The following OR2A5 variants were observed in gnomAD, a reference collection of about 807,000 sequenced individuals.
OR2A5 encodes the protein olfactory receptor 2A5.
In OR2A5, 2 loss-of-function variants were observed where a neutral mutation model predicts 1.9. The observed-to-expected ratio is 1.04, with a 90% CI of 0.43 to 3.28. The LOEUF is 3.28. Among genes scored for constraint, OR2A5 ranks in the 30% most tolerant of loss-of-function variants. OR2A5 has a pLI of 0.08. For missense variants in OR2A5, 391 were observed against 375.9 expected, an observed-to-expected ratio of 1.04 and a Z score of -0.33; for synonymous variants, 160 against 154.5, an observed-to-expected ratio of 1.04 and a Z score of -0.26.
chr7:144,049,402 G>A (rs1013270434), intron 1 of OR2A5, among the ~76,000 whole-genome samples: 1 of 152,210 alleles, frequency 6.6e-6, no homozygotes, highest in Non-Finnish European at 1.5e-5. Context: ...ATGTGGTTGG[G>A]GGAATGACAA....
rs568136340 is a variant in OR2A5, at chr7:144,056,628, CA to C, written c.*5293del. On this transcript the variant is annotated 3_prime_UTR_variant, in exon 2 of 2. Transcript: ENST00000641693. ...TCCCTTGTGCATGTTCAGGAATGAA[CA>C]ATTGATAAATATTTATGTTTATGTT... The C allele has an allele frequency of 8.5e-5, 13 of 152,218 alleles. No individual in the cohort carries two copies. In the South Asian group the frequency reaches 2.7e-3, roughly 32 times the overall value. 9.4% of individuals were successfully genotyped at this position (152,218 alleles called of 1,614,324 possible). A position where few individuals can be genotyped will look rare whatever the true frequency, so the allele number is the denominator to read the frequency against.
rs1554410654 is a variant in OR2A5, at chr7:144,056,816, T to TC, written c.*5479_*5480insC. 7.0e-6 allele frequency: 1 copy of TC among 143,842 alleles called. No individual in the cohort carries two copies. Among genetic ancestry groups the TC allele is most frequent in the African/African-American group, 2.6e-5 (1 of 38,010 alleles). The allele number at this position is 143,842 out of a possible 1,614,324, so 8.9% of individuals were successfully genotyped here. ...CTGAAATAAGGACTAACTCTTGTTTTTTTTTTTTTTTTTTTTGAGACGGAG... is the reference window on the plus strand; with the variant it reads ...CTGAAATAAGGACTAACTCTTGTTTTCTTTTTTTTTTTTTTTTGAGACGGAG... On this transcript the variant is annotated 3_prime_UTR_variant, in exon 2 of 2. Transcript: ENST00000641693.
intron 1 of OR2A5, 24 bp downstream of exon 1, chr7:144,049,157 G>A (rs2050883468): frequency 6.6e-6 from 1 of 152,276 alleles, no homozygotes; most frequent in African/African-American, 2.4e-5. Context: ...CTTTTGCAAA[G>A]TCTGGTAGTT....
At chr7:144,050,061 G>A in intron 1 of OR2A5, among the ~76,000 whole-genome samples, 1 of 152,152 alleles carries the variant, frequency 6.6e-6, no homozygotes, top group South Asian at 2.1e-4. Context: ...AAAATAAAAT[G>A]GCTAGCCATT....
chr7:144,049,246 GCAGA>G (rs2050883953), intron 1 of OR2A5, 113 bp downstream of exon 1: 1 of 152,274 alleles, frequency 6.6e-6, no homozygotes, highest in Non-Finnish European at 1.5e-5. Flanking sequence ...TAATTTATTG[GCAGA>G]CAGTTTCCTG....
At position 144,058,406 on chromosome 7, in the gene OR2A5, A is replaced by T. The variant is rs1258852149; in HGVS notation, c.*7069A>T. 1.3e-5 allele frequency: 2 copies of T among 152,166 alleles called. No homozygotes were observed. Among genetic ancestry groups the T allele is most frequent in the African/African-American group, 4.8e-5 (2 of 41,408 alleles). The allele number at this position is 152,166 out of a possible 1,614,324, so 9.4% of individuals were successfully genotyped here. A position where few individuals can be genotyped will look rare whatever the true frequency, so the allele number is the denominator to read the frequency against. On this transcript the variant is annotated 3_prime_UTR_variant, in exon 2 of 2. Coordinates refer to ENST00000641693, the MANE Select transcript of OR2A5 (RefSeq NM_012365.2). ...TTTATTGATGGACACATGTTGTATT[A>T]GTCTGTTCTCATGCTGCTAATAAAG...
At position 144,056,614 on chromosome 7, in the gene OR2A5, T is replaced by G. The variant is rs191503700; in HGVS notation, c.*5277T>G. ...CACTTCTGATGATGTCCCTTGTGCA[T>G]GTTCAGGAATGAACAATTGATAAAT... On this transcript the variant is annotated 3_prime_UTR_variant, in exon 2 of 2. Coordinates refer to ENST00000641693, the MANE Select transcript of OR2A5 (RefSeq NM_012365.2). 1 of 152,226 alleles carries G rather than the reference T, an allele frequency of 6.6e-6. No homozygotes were observed. The highest frequency in any genetic ancestry group is 1.5e-5 in the Non-Finnish European group (1 of 68,038). 9.4% of individuals were successfully genotyped at this position (152,226 alleles called of 1,614,324 possible).
In OR2A5 at chr7:144,051,046, G is replaced by T. The variant is rs756838892; in HGVS notation, c.645G>T (p.Leu215=). The T allele has an allele frequency of 9.9e-6, 16 of 1,614,068 alleles. No individual in the cohort carries two copies. In the Middle Eastern group the frequency reaches 5.0e-4, roughly 50 times the overall value. ...FILVGPLCLV[L]VSYSRILAAI... ...TGGTGGGGCCGCTCTGCCTGGTGCTGGTCTCCTACTCGCGCATCCTGGCGG... is the reference window on the plus strand; with the variant it reads ...TGGTGGGGCCGCTCTGCCTGGTGCTTGTCTCCTACTCGCGCATCCTGGCGG... The change falls in exon 2 of 2, where the codon CTG becomes CTT. Residue 215 remains leucine, a synonymous_variant. Transcript: ENST00000641693.
rs2050918371 is a variant in OR2A5 at position 144,053,365 on chromosome 7, A to G, written c.*2028A>G. 6.6e-6 allele frequency: 1 copy of G among 152,144 alleles called. No homozygotes were observed. The highest frequency in any genetic ancestry group is 2.1e-4 in the South Asian group (1 of 4,830). The allele number at this position is 152,144 out of a possible 1,614,324, so 9.4% of individuals were successfully genotyped here. On this transcript the variant is annotated 3_prime_UTR_variant, in exon 2 of 2. Transcript: ENST00000641693. ...AATGTTGGTGTTATGACCGCTTTAT[A>G]TATACATATTTTCAACATTAATCAG...
At position 144,054,939 on chromosome 7, in the gene OR2A5, T is replaced by C. The variant is rs1384364478; in HGVS notation, c.*3602T>C. On this transcript the variant is annotated 3_prime_UTR_variant, in exon 2 of 2. Coordinates refer to ENST00000641693, the MANE Select transcript of OR2A5 (RefSeq NM_012365.2). Reference sequence around the variant, plus strand: ...ACACCTTGTTAGTTGGCTGAAATTTTGGCACTCATAGTAGCCAACTCCTTA... The same window carrying C: ...ACACCTTGTTAGTTGGCTGAAATTTCGGCACTCATAGTAGCCAACTCCTTA... 3.3e-5 allele frequency: 5 copies of C among 152,224 alleles called. No homozygotes were observed. The East Asian group carries it at 9.6e-4, about 29-fold the overall frequency. The allele number at this position is 152,224 out of a possible 1,614,324, so 9.4% of individuals were successfully genotyped here.
rs2050920652 is a variant in OR2A5 at position 144,053,740 on chromosome 7, T to C, written c.*2403T>C. The C allele has an allele frequency of 6.6e-6, 1 of 152,236 alleles. No individual in the cohort carries two copies. Among genetic ancestry groups the C allele is most frequent in the Non-Finnish European group, 1.5e-5 (1 of 68,050 alleles). The allele number at this position is 152,236 out of a possible 1,614,324, so 9.4% of individuals were successfully genotyped here. On this transcript the variant is annotated 3_prime_UTR_variant, in exon 2 of 2. Coordinates refer to ENST00000641693, the MANE Select transcript of OR2A5 (RefSeq NM_012365.2). ...GTCTGGAACAAAACGGAGTTTACAGTATTATAGCCAAAGTCTTAACACCAG... is the reference window on the plus strand; with the variant it reads ...GTCTGGAACAAAACGGAGTTTACAGCATTATAGCCAAAGTCTTAACACCAG...
rs2050921357 is a variant in OR2A5 at position 144,053,835 on chromosome 7, T to C, written c.*2498T>C. 1 of 152,180 alleles carries C rather than the reference T, an allele frequency of 6.6e-6. No homozygotes were observed. Among genetic ancestry groups the C allele is most frequent in the South Asian group, 2.1e-4 (1 of 4,824 alleles). The allele number at this position is 152,180 out of a possible 1,614,324, so 9.4% of individuals were successfully genotyped here. On this transcript the variant is annotated 3_prime_UTR_variant, in exon 2 of 2. Transcript: ENST00000641693. ...CCACCTTTGGGAAGAGTAGAAACAC[T>C]CACATTAGCAGCATCATCATTTTCC...
In OR2A5 at chr7:144,056,250, G is replaced by C. The variant is rs755906640; in HGVS notation, c.*4913G>C. 2 of 152,320 alleles carry C rather than the reference G, an allele frequency of 1.3e-5. No individual in the cohort carries two copies. The highest frequency in any genetic ancestry group is 2.9e-5 in the Non-Finnish European group (2 of 68,130). The allele number at this position is 152,320 out of a possible 1,614,324, so 9.4% of individuals were successfully genotyped here. On this transcript the variant is annotated 3_prime_UTR_variant, in exon 2 of 2. Coordinates refer to ENST00000641693, the MANE Select transcript of OR2A5 (RefSeq NM_012365.2). ...ACTAATGAAGACCAAAAAATGTACT[G>C]TGCTGTACTGCTTCCCTATGTAGCT... is the stretch of plus-strand genomic sequence containing the variant.
Position 144,050,516 on chromosome 7 carries a change from CTGGGAAA to C in OR2A5, c.120_126del (p.Asn41ProfsTer39). On this transcript the variant is annotated frameshift_variant, in exon 2 of 2. Transcript: ENST00000641693. LOFTEE classifies it low-confidence loss of function (END_TRUNC). ...CTCCCTGTTATACGTCTTCACCCTG[CTGGGAAA>C]TGGGGCCATCCTGGGGCTCATCTGG... The C allele has an allele frequency of 6.2e-7, 1 of 1,607,674 alleles. No homozygotes were observed. The highest frequency in any genetic ancestry group is 1.1e-5 in the South Asian group (1 of 89,746).
Position 144,055,960 on chromosome 7 carries a change from G to A in OR2A5, c.*4623G>A, listed in dbSNP as rs1027062514. 6.6e-6 allele frequency: 1 copy of A among 152,238 alleles called. No homozygotes were observed. Among genetic ancestry groups the A allele is most frequent in the African/African-American group, 2.4e-5 (1 of 41,424 alleles). The allele number at this position is 152,238 out of a possible 1,614,324, so 9.4% of individuals were successfully genotyped here. A position where few individuals can be genotyped will look rare whatever the true frequency, so the allele number is the denominator to read the frequency against. ...GAGCAGTGACAGATTAAACCACAAG[G>A]AGAGGAAATGAAAAAGACAAAATTA... On this transcript the variant is annotated 3_prime_UTR_variant, in exon 2 of 2. Transcript: ENST00000641693.
At position 144,051,248 on chromosome 7, in the gene OR2A5, C is replaced by A; in HGVS notation, c.847C>A (p.Pro283Thr). The A allele has an allele frequency of 6.2e-7, 1 of 1,613,916 alleles. No homozygotes were observed. Residue 283 changes from proline to threonine, a missense_variant, in exon 2 of 2, where the codon CCG becomes ACG. Physicochemically the swap from Pro to Thr is conservative, Grantham distance 38. Coordinates refer to ENST00000641693, the MANE Select transcript of OR2A5 (RefSeq NM_012365.2). ...VLSLFYSLFN[P>T]MLNPLIYSLR... ...TTCCCTGTTTTACAGCCTTTTCAACCCGATGCTGAACCCCTTGATCTATAG... is the reference window on the plus strand; with the variant it reads ...TTCCCTGTTTTACAGCCTTTTCAACACGATGCTGAACCCCTTGATCTATAG...
rs183182371 is a variant in OR2A5, at chr7:144,054,449, T to C, written c.*3112T>C. 9.8e-5 allele frequency: 15 copies of C among 152,320 alleles called. No individual in the cohort carries two copies. Among genetic ancestry groups the C allele is most frequent in the Middle Eastern group, 3.4e-3 (1 of 294 alleles). 9.4% of individuals were successfully genotyped at this position (152,320 alleles called of 1,614,324 possible). On this transcript the variant is annotated 3_prime_UTR_variant, in exon 2 of 2. Coordinates refer to ENST00000641693, the MANE Select transcript of OR2A5 (RefSeq NM_012365.2). ...CTGGTAAAATTCATGACTAAACAACTATAAAACTACAAAATCCAATTTTAT... is the reference window on the plus strand; with the variant it reads ...CTGGTAAAATTCATGACTAAACAACCATAAAACTACAAAATCCAATTTTAT...
rs767241969 is a variant in OR2A5, at chr7:144,050,686, C to A, written c.285C>A (p.Val95=). The change falls in exon 2 of 2, where the codon GTC becomes GTA. Residue 95 remains valine, a synonymous_variant. Transcript: ENST00000641693. ...GLNKRKTISF[V]PCTMQTFLYM... is the part of the protein sequence containing the mutation. ...ACAAGAGAAAAACAATCTCCTTTGT[C>A]CCATGCACAATGCAGACCTTTTTAT... 2 of 1,614,208 alleles carry A rather than the reference C, an allele frequency of 1.2e-6. No individual in the cohort carries two copies. Among genetic ancestry groups the A allele is most frequent in the Middle Eastern group, 1.6e-4 (1 of 6,062 alleles).
At position 144,056,117 on chromosome 7, in the gene OR2A5, G is replaced by A. The variant is rs551597781; in HGVS notation, c.*4780G>A. 2 of 152,280 alleles carry A rather than the reference G, an allele frequency of 1.3e-5. No homozygotes were observed. Among genetic ancestry groups the A allele is most frequent in the South Asian group, 4.1e-4 (2 of 4,822 alleles). 9.4% of individuals were successfully genotyped at this position (152,280 alleles called of 1,614,324 possible). Reference sequence around the variant, plus strand: ...TGAGTGGAGATAGCTTTGCTCTTAGGAACTAAATATATTAAAGTTCTTCAT... The same window carrying A: ...TGAGTGGAGATAGCTTTGCTCTTAGAAACTAAATATATTAAAGTTCTTCAT... On this transcript the variant is annotated 3_prime_UTR_variant, in exon 2 of 2. Coordinates refer to ENST00000641693, the MANE Select transcript of OR2A5 (RefSeq NM_012365.2).
Sources: gnomAD v4.1 joint callset for allele counts (sites outside exome capture counted in the v4.1 genomes callset) on GRCh38, gnomAD v4.1.1 for gene constraint, MANE v1.5 for transcripts, NCBI Gene and HGNC (gene_info 2026-07-23, HGNC 2026-07-21) for gene names.